The following CCNE2 variants were observed in gnomAD, a reference collection of about 807,000 sequenced individuals.
CCNE2 encodes the protein cyclin E2, also known as G1/S-specific cyclin-E2.
In CCNE2, 18 loss-of-function variants were observed where a neutral mutation model predicts 56.8. That is an observed-to-expected ratio of 0.32 (90% CI 0.22 to 0.47). The LOEUF (loss-of-function observed/expected upper bound fraction) is 0.47. Among genes scored for constraint, CCNE2 ranks in the 20% least tolerant of loss-of-function variants. The pLI is 1.00. For synonymous variants in CCNE2, 139 were observed against 149.2 expected, an observed-to-expected ratio of 0.93 and a Z score of 0.50; for missense variants, 371 against 467.1, an observed-to-expected ratio of 0.79 and a Z score of 1.90.
chr8:94,891,923 C>G (rs1257785816), intron 5 of CCNE2: 1 of 1,259,728 alleles, frequency 7.9e-7, no homozygotes, highest in Non-Finnish European at 1.1e-6. Context: ...AAAGCACCTA[C>G]GATGTGCCAA....
intron 5 of CCNE2, among the ~76,000 whole-genome samples, chr8:94,892,292 G>C (rs1418403508): frequency 6.6e-6 from 1 of 152,076 alleles, no homozygotes; most frequent in Non-Finnish European, 1.5e-5. Context: ...AGGGAAAGGG[G>C]GATTGGTGAG....
chr8:94,892,719 CG>C, intron 5 of CCNE2, 98 bp downstream of exon 5: 3 of 636,598 alleles, frequency 4.7e-6, no homozygotes, highest in Non-Finnish European at 7.4e-6. Context: ...AATTTTTACA[CG>C]TTTTTCTACT....
upstream of CCNE2, chr8:94,896,548 A>G (rs1381594807): frequency 1.3e-5 from 2 of 152,108 alleles, no homozygotes; most frequent in Admixed American, 1.3e-4. Context: ...TCCGGGAACA[A>G]AGATCCCCCG....
intron 5 of CCNE2, chr8:94,891,169 T>C (rs1299813661): frequency 6.6e-6 from 1 of 152,532 alleles, no homozygotes; most frequent in African/African-American, 2.4e-5. Context: ...TTATTTATAC[T>C]TTACAAAGGT....
At position 94,881,509 on chromosome 8, in the gene CCNE2, G is replaced by C. The variant is rs981783437; in HGVS notation, c.*123C>G. The C allele has an allele frequency of 2.3e-6, 2 of 854,444 alleles. No homozygotes were observed. The highest frequency in any genetic ancestry group is 3.4e-5 in the African/African-American group (2 of 58,248). The allele number at this position is 854,444 out of a possible 1,614,324, so 52.9% of individuals were successfully genotyped here. ...TAAGTTTTAAAATCAGAATGGCAGT[G>C]TAACTTGTGAATTGGCTAGGGCAAT... On this transcript the variant is annotated 3_prime_UTR_variant, in exon 12 of 12. Transcript: ENST00000308108.
chr8:94,882,856 CTAA>C lies in CCNE2; in HGVS notation c.865_867del (p.Leu289del). 1 of 1,613,610 alleles carries C rather than the reference CTAA, an allele frequency of 6.2e-7. No homozygotes were observed. ...GCAGTCAGTATTCTGTACTGGAACTCTAATGAATCAATGGCTAGAATACACAGA... is the reference window on the plus strand; with the variant it reads ...GCAGTCAGTATTCTGTACTGGAACTCTGAATCAATGGCTAGAATACACAGA... On this transcript the variant is annotated inframe_deletion, in exon 10 of 12. Transcript: ENST00000308108.
chr8:94,892,829 CA>C lies in CCNE2; in HGVS notation c.305del (p.Leu102CysfsTer4). The C allele has an allele frequency of 7.1e-7, 1 of 1,414,724 alleles. No homozygotes were observed. The highest frequency in any genetic ancestry group is 9.5e-7 in the Non-Finnish European group (1 of 1,049,444). 87.6% of individuals were successfully genotyped at this position (1,414,724 alleles called of 1,614,324 possible). ...FKNLFINPSP[L>X]PDLSWGCSKE... ...GAAATTTTTCTTACCTTAAATCAGG[CA>C]AAGGTGAAGGATTAATAAAAAGATT... On this transcript the variant is annotated frameshift_variant, in exon 5 of 12. Coordinates refer to ENST00000308108, the MANE Select transcript of CCNE2 (RefSeq NM_057749.3). LOFTEE classifies it high-confidence loss of function.
intron 6 of CCNE2, among the ~76,000 whole-genome samples, chr8:94,889,116 C>T (rs1175438272): frequency 6.6e-6 from 1 of 151,116 alleles, no homozygotes; most frequent in Non-Finnish European, 1.5e-5. Context: ...CCATTCCATT[C>T]TGGCCTGGGT....
Position 94,880,264 on chromosome 8 carries a change from T to TAA in CCNE2, c.*1366_*1367dup. On this transcript the variant is annotated 3_prime_UTR_variant, in exon 12 of 12. Transcript: ENST00000308108. ...TTAAATTTTTTTAACTTTTATTTTTTAAACAATGGGCTAAAAATAAACAGT... is the reference window on the plus strand; with the variant it reads ...TTAAATTTTTTTAACTTTTATTTTTTAAAAACAATGGGCTAAAAATAAACAGT... 1 of 1,167,356 alleles carries TAA rather than the reference T, an allele frequency of 8.6e-7. No homozygotes were observed. The highest frequency in any genetic ancestry group is 2.5e-5 in the East Asian group (1 of 40,518). The allele number at this position is 1,167,356 out of a possible 1,614,324, so 72.3% of individuals were successfully genotyped here.
chr8:94,893,965 T>C (rs376737187), intron 3 of CCNE2, 21 bp from the exon 4 acceptor site: 24 of 1,613,188 alleles, frequency 1.5e-5, no homozygotes, highest in African/African-American at 8.0e-5. Context: ...GAAAAGACCA[T>C]TGGTAAACTA....
Position 94,880,334 on chromosome 8 carries a change from GTGT to G in CCNE2, c.*1295_*1297del, listed in dbSNP as rs1816759938. On this transcript the variant is annotated 3_prime_UTR_variant, in exon 12 of 12. Transcript: ENST00000308108. ...ATAATACATATGTACACAATTAGTG[GTGT>G]TTTCTTTTCAGACAAAATACTGAAA... 3.3e-6 allele frequency: 2 copies of G among 605,222 alleles called. No homozygotes were observed. Among genetic ancestry groups the G allele is most frequent in the African/African-American group, 1.9e-5 (1 of 53,204 alleles). 37.5% of individuals were successfully genotyped at this position (605,222 alleles called of 1,614,324 possible).
chr8:94,882,068 CCAT>C, intron 11 of CCNE2, 61 bp downstream of exon 11: 1 of 1,472,858 alleles, frequency 6.8e-7, no homozygotes, highest in Non-Finnish European at 9.2e-7. Flanking sequence ...TCTATTCCTA[CCAT>C]CAGTTTTGGT....
intron 1 of CCNE2, among the ~76,000 whole-genome samples, 184 bp downstream of exon 1, chr8:94,894,993 C>T (rs1817426311): frequency 1.3e-5 from 2 of 152,174 alleles, no homozygotes; most frequent in African/African-American, 4.8e-5. Flanking sequence ...TCTCCATGCC[C>T]AGCCGCTTCC....
chr8:94,883,922 CT>C, intron 9 of CCNE2: 1 of 456,162 alleles, frequency 2.2e-6, no homozygotes, highest in Non-Finnish European at 4.4e-6. Context: ...GGGAGAAGAG[CT>C]GGGAATTGGA....
In CCNE2 at chr8:94,890,406, G is replaced by GT. The variant is rs1817188326; in HGVS notation, c.453+8dup. 1 of 1,559,986 alleles carries GT rather than the reference G, an allele frequency of 6.4e-7. No homozygotes were observed. The highest frequency in any genetic ancestry group is 1.2e-5 in the South Asian group (1 of 82,544). On this transcript the variant is annotated intron_variant, in intron 6 of 11. Coordinates refer to ENST00000308108, the MANE Select transcript of CCNE2 (RefSeq NM_057749.3). Reference sequence around the variant, plus strand: ...AGAGACAAAGGAAATTTGTATTGCTGTAACATACCTCTAAAAGCCAGTCTA... The same window carrying GT: ...AGAGACAAAGGAAATTTGTATTGCTGTTAACATACCTCTAAAAGCCAGTCTA...
At chr8:94,896,289 C>T (rs1290669493), upstream of CCNE2, among the ~76,000 whole-genome samples, 1 of 148,582 alleles carries the variant, frequency 6.7e-6, no homozygotes, top group African/African-American at 2.4e-5. Flanking sequence ...GCCGCCAGCG[C>T]GCCCTGCGGA....
chr8:94,885,350 A>AT lies in CCNE2; in HGVS notation c.696+112dup, dbSNP rs1445519023. The stretch of plus-strand genomic sequence containing the variant: ...ATTAACCTCTTAGAACTGGATCCTA[A>AT]TACCTCAGTTTTGACTTTTTACATT... On this transcript the variant is annotated intron_variant, in intron 8 of 11. Transcript: ENST00000308108. 4 of 1,026,086 alleles carry AT rather than the reference A, an allele frequency of 3.9e-6. No individual in the cohort carries two copies. The Admixed American group carries it at 8.8e-5, about 23-fold the overall frequency. The allele number at this position is 1,026,086 out of a possible 1,614,324, so 63.6% of individuals were successfully genotyped here.
intron 9 of CCNE2, among the ~76,000 whole-genome samples, chr8:94,883,510 C>T (rs1402051281): frequency 6.6e-6 from 1 of 152,086 alleles, no homozygotes; most frequent in Non-Finnish European, 1.5e-5. Flanking sequence ...TTCAGAACTC[C>T]TAAGGTGAAA....
intron 5 of CCNE2, chr8:94,891,963 C>G: frequency 9.5e-7 from 1 of 1,053,280 alleles, no homozygotes; most frequent in Admixed American, 1.7e-5. Flanking sequence ...GTCGGATTAA[C>G]TCACACGTGA....
Sources: allele counts gnomAD v4.1 joint callset (sites outside exome capture counted in the v4.1 genomes callset), GRCh38; gene constraint gnomAD v4.1.1; transcripts MANE v1.5; gene names NCBI Gene and HGNC (gene_info 2026-07-23, HGNC 2026-07-21).